The following CADPS2 variants were observed in gnomAD, a reference collection of about 807,000 sequenced individuals.
CADPS2 encodes the protein calcium-dependent secretion activator 2.
In CADPS2, 93 loss-of-function variants were observed where a neutral mutation model predicts 172.5. The ratio of observed to expected loss-of-function variants is 0.54; its 90% CI spans 0.46 to 0.64. CADPS2 has a LOEUF of 0.64. CADPS2 is among the 30% of genes least tolerant of loss of function. The pLI, the probability that CADPS2 is intolerant of heterozygous loss-of-function variation, is 0.00. For synonymous variants in CADPS2, 546 were observed against 555.2 expected, an observed-to-expected ratio of 0.98 and a Z score of 0.23; for missense variants, 1,420 against 1,565.9, an observed-to-expected ratio of 0.91 and a Z score of 1.57.
intron 8 of CADPS2, among the ~76,000 whole-genome samples, chr7:122,548,332 C>T (rs2063836828): frequency 6.6e-6 from 1 of 151,964 alleles, no homozygotes. Flanking sequence ...CTGTTCACAC[C>T]ACTGCACTAC....
chr7:122,805,008 C>T (rs939917425), intron 1 of CADPS2, among the ~76,000 whole-genome samples: 2 of 152,166 alleles, frequency 1.3e-5, no homozygotes, highest in African/African-American at 4.8e-5. Flanking sequence ...TTTAGAGATA[C>T]ATTATTTAAT....
chr7:122,514,369 A>C (rs1471729032), intron 8 of CADPS2, among the ~76,000 whole-genome samples: 3 of 151,926 alleles, frequency 2.0e-5, no homozygotes, highest in African/African-American at 7.2e-5. Context: ...TTAGGGGCTT[A>C]AGATTTTTAG....
chr7:122,446,670 C>T (rs1194489356), intron 15 of CADPS2, among the ~76,000 whole-genome samples: 1 of 152,126 alleles, frequency 6.6e-6, no homozygotes, highest in Admixed American at 6.5e-5. Flanking sequence ...CAGGAGACTC[C>T]AGGGAATCAT....
intron 1 of CADPS2, among the ~76,000 whole-genome samples, chr7:122,837,749 T>C (rs1398424853): frequency 2.0e-5 from 3 of 152,292 alleles, no homozygotes; most frequent in South Asian, 2.1e-4. Context: ...AATCCCTGAA[T>C]AGACCAATAA....
chr7:122,725,188 A>G (rs2090951633), intron 2 of CADPS2, among the ~76,000 whole-genome samples: 2 of 152,038 alleles, frequency 1.3e-5, no homozygotes, highest in African/African-American at 4.8e-5. Context: ...CTAAGTCATA[A>G]TATAAGTAAA....
At chr7:122,879,159 C>A (rs962758403) in intron 1 of CADPS2, among the ~76,000 whole-genome samples, 1 of 150,648 alleles carries the variant, frequency 6.6e-6, no homozygotes, top group African/African-American at 2.4e-5. Flanking sequence ...ATCAGTTGAA[C>A]GCGGGAGGCA....
chr7:122,326,937 T>C (rs963769962), intron 28 of CADPS2, among the ~76,000 whole-genome samples: 7 of 152,084 alleles, frequency 4.6e-5, no homozygotes. Flanking sequence ...GGATAACTGA[T>C]ATACTAAATA....
intron 2 of CADPS2, among the ~76,000 whole-genome samples, chr7:122,727,653 A>T (rs1395784699): frequency 2.0e-5 from 3 of 151,828 alleles, no homozygotes; most frequent in South Asian, 2.1e-4. Context: ...CAAGCAACAA[A>T]ATTCTACAAT....
chr7:122,806,896 G>A (rs910963642), intron 1 of CADPS2, among the ~76,000 whole-genome samples: 1 of 152,184 alleles, frequency 6.6e-6, no homozygotes, highest in East Asian at 1.9e-4. Context: ...GGACAGGGGA[G>A]AATACATGTG....
At chr7:122,810,051 T>C (rs1799692998) in intron 1 of CADPS2, among the ~76,000 whole-genome samples, 1 of 152,134 alleles carries the variant, frequency 6.6e-6, no homozygotes, top group Non-Finnish European at 1.5e-5. Context: ...CAGCTATACC[T>C]TGCAGTAGAG....
chr7:122,408,356 A>C lies in CADPS2; in HGVS notation c.2590-660T>G, dbSNP rs547584756. Among the ~76,000 whole-genome samples the C allele has an allele frequency of 2.6e-5, 4 of 152,306 alleles. No individual in the cohort carries two copies. In the South Asian group the frequency reaches 8.3e-4, roughly 32 times the overall value. On this transcript the variant is annotated intron_variant, in intron 19 of 29. Transcript: ENST00000449022. ...AATGGGTATGCATTTTAGAGTCTTC[A>C]CACATTGCAAATTGCTCTTTATGAA...
chr7:122,600,837 A>C (rs984439607), intron 6 of CADPS2, among the ~76,000 whole-genome samples: 2 of 152,104 alleles, frequency 1.3e-5, no homozygotes, highest in African/African-American at 4.8e-5. Flanking sequence ...TTGCAGACAG[A>C]GAACACGAGA....
At chr7:122,573,392 T>G (rs1479676183) in intron 7 of CADPS2, among the ~76,000 whole-genome samples, 4 of 151,940 alleles carry the variant, frequency 2.6e-5, no homozygotes, top group Non-Finnish European at 5.9e-5. Context: ...AACAAAAAAT[T>G]GGCTGGGCAT....
intron 1 of CADPS2, among the ~76,000 whole-genome samples, chr7:122,835,604 T>C (rs1808132481): frequency 6.6e-6 from 1 of 152,158 alleles, no homozygotes; most frequent in Admixed American, 6.5e-5. Context: ...CTGATGGAAC[T>C]GAAAACCATG....
chr7:122,626,844 T>C (rs999725826), intron 4 of CADPS2, among the ~76,000 whole-genome samples: 5 of 152,190 alleles, frequency 3.3e-5, no homozygotes, highest in African/African-American at 4.8e-5. Flanking sequence ...GTTTAGAAAA[T>C]AGCTATCATG....
chr7:122,722,464 A>G (rs2090545287), intron 2 of CADPS2, among the ~76,000 whole-genome samples: 2 of 151,580 alleles, frequency 1.3e-5, no homozygotes, highest in East Asian at 1.9e-4. Context: ...AGAATAAAAT[A>G]CCTAGGAATC....
intron 1 of CADPS2, among the ~76,000 whole-genome samples, chr7:122,789,839 G>T (rs1794869175): frequency 1.3e-5 from 2 of 152,110 alleles, no homozygotes; most frequent in South Asian, 4.1e-4. Flanking sequence ...TCTGAGAGAT[G>T]AAGAGCTAGT....
chr7:122,462,972 C>A (rs1163784906), intron 14 of CADPS2, among the ~76,000 whole-genome samples: 2 of 152,068 alleles, frequency 1.3e-5, no homozygotes, highest in African/African-American at 4.8e-5. Context: ...CCTCAAAAAC[C>A]AGCTTCAAAA....
chr7:122,709,985 C>T (rs2088421347), intron 2 of CADPS2, among the ~76,000 whole-genome samples: 1 of 149,520 alleles, frequency 6.7e-6, no homozygotes, highest in South Asian at 2.1e-4. Flanking sequence ...TGCAGCACAC[C>T]AGCATGGCAC....
Sources: gnomAD v4.1 joint callset for allele counts (sites outside exome capture counted in the v4.1 genomes callset) on GRCh38, gnomAD v4.1.1 for gene constraint, MANE v1.5 for transcripts, NCBI Gene and HGNC (gene_info 2026-07-23, HGNC 2026-07-21) for gene names.